PARD3: variants seen among roughly 807,000 people sequenced by gnomAD.
PARD3 encodes par-3 family cell polarity regulator, also known as partitioning defective 3 homolog.
In PARD3, 75 loss-of-function variants were observed where a neutral mutation model predicts 155.4. That is an observed-to-expected ratio of 0.48 (90% CI 0.40 to 0.58). The LOEUF (loss-of-function observed/expected upper bound fraction) is 0.58. PARD3 is among the 20% of genes least tolerant of loss of function. PARD3 has a pLI of 0.00. For missense variants in PARD3, 1,642 were observed against 1,721.7 expected (o/e 0.95, Z 0.82); for synonymous variants, 576 against 610.5 (o/e 0.94, Z 0.83).
intron 1 of PARD3, among the ~76,000 whole-genome samples, chr10:34,707,702 C>A (rs527425470): frequency 1.6e-4 from 24 of 152,326 alleles, no homozygotes; most frequent in South Asian, 1.0e-3. Context: ...ACCATGAACA[C>A]ACACACACAT....
At chr10:34,476,332 T>C (rs1018668161) in intron 3 of PARD3, among the ~76,000 whole-genome samples, 1 of 152,186 alleles carries the variant, frequency 6.6e-6, no homozygotes, top group African/African-American at 2.4e-5. Context: ...AGAATACATT[T>C]GGTGCCACCG....
intron 23 of PARD3, among the ~76,000 whole-genome samples, chr10:34,120,306 C>G (rs895386673): frequency 6.6e-6 from 1 of 150,896 alleles, no homozygotes; most frequent in Non-Finnish European, 1.5e-5. Flanking sequence ...AACCCAGCGT[C>G]TAGTCTTTAT....
chr10:34,814,412 A>G (rs73264844), intron 1 of PARD3, among the ~76,000 whole-genome samples: 44,125 of 151,892 alleles, frequency 0.29, 6,605 homozygotes, highest in Middle Eastern at 0.37. Flanking sequence ...CCTCTGTCGG[A>G]AGGGCAGTCA....
chr10:34,790,658 G>T (rs1342327841), intron 1 of PARD3, among the ~76,000 whole-genome samples: 2 of 152,216 alleles, frequency 1.3e-5, no homozygotes, highest in Admixed American at 1.3e-4. Context: ...TGGCTGAGTT[G>T]ATAAAAAATT....
At chr10:34,631,340 G>A (rs900071517) in intron 2 of PARD3, among the ~76,000 whole-genome samples, 1 of 152,134 alleles carries the variant, frequency 6.6e-6, no homozygotes, top group African/African-American at 2.4e-5. Flanking sequence ...TACATTGATT[G>A]AAGTAACATG....
intron 9 of PARD3, among the ~76,000 whole-genome samples, chr10:34,379,491 T>C (rs1841605587): frequency 6.6e-6 from 1 of 152,134 alleles, no homozygotes; most frequent in South Asian, 2.1e-4. Context: ...CATATGTCTC[T>C]GCTTTCATGA....
intron 22 of PARD3, among the ~76,000 whole-genome samples, chr10:34,209,470 C>A (rs75617778): frequency 0.072 from 10,914 of 152,266 alleles, 592 homozygotes; most frequent in Middle Eastern, 0.13. Flanking sequence ...ATTCTGTCTT[C>A]TGTGAGATAA....
At chr10:34,810,995 C>T (rs973563188) in intron 1 of PARD3, among the ~76,000 whole-genome samples, 5 of 152,168 alleles carry the variant, frequency 3.3e-5, no homozygotes, top group African/African-American at 1.2e-4. Flanking sequence ...ATCCAAAGCT[C>T]CCCTACAGGC....
chr10:34,702,616 C>T (rs1466406136), intron 1 of PARD3, among the ~76,000 whole-genome samples: 2 of 152,148 alleles, frequency 1.3e-5, no homozygotes, highest in African/African-American at 4.8e-5. Context: ...GTACTGATTA[C>T]AGAAAAATCC....
At chr10:34,161,570 C>CTCTAACT (rs2133050487) in intron 22 of PARD3, among the ~76,000 whole-genome samples, 1 of 152,236 alleles carries the variant, frequency 6.6e-6, no homozygotes, top group African/African-American at 2.4e-5. Flanking sequence ...TCTGAAGAAC[C>CTCTAACT]TCTAACTTCA....
At chr10:34,763,949 G>C (rs1278276209) in intron 1 of PARD3, among the ~76,000 whole-genome samples, 6 of 152,168 alleles carry the variant, frequency 3.9e-5, no homozygotes, top group Non-Finnish European at 8.8e-5. Context: ...AAATATGTCA[G>C]TGAAGTCACT....
intron 22 of PARD3, among the ~76,000 whole-genome samples, chr10:34,251,259 C>T (rs1186619357): frequency 6.6e-6 from 1 of 152,102 alleles, no homozygotes; most frequent in African/African-American, 2.4e-5. Flanking sequence ...ATACAGAATC[C>T]AATATCATAC....
chr10:34,381,271 G>A (rs1468709394), intron 9 of PARD3, among the ~76,000 whole-genome samples: 1 of 152,130 alleles, frequency 6.6e-6, no homozygotes, highest in Non-Finnish European at 1.5e-5. Flanking sequence ...CACATGACCT[G>A]AGGAAATAAT....
chr10:34,531,471 T>TGA (rs2082851549), intron 2 of PARD3, among the ~76,000 whole-genome samples: 1 of 152,218 alleles, frequency 6.6e-6, no homozygotes, highest in Non-Finnish European at 1.5e-5. Flanking sequence ...ATGACATTAC[T>TGA]TTTTCTCAAA....
Position 34,395,719 on chromosome 10 carries a change from C to T in PARD3, c.890+3611G>A, listed in dbSNP as rs547773656. Among the ~76,000 whole-genome samples the T allele has an allele frequency of 2.5e-5, 2 of 80,216 alleles. 1 individual carries two copies. Among genetic ancestry groups the T allele is most frequent in the East Asian group, 5.7e-4 (2 of 3,482 alleles). The allele number at this position is 80,216 out of a possible 152,430, so 52.6% of individuals were successfully genotyped here. A position where few individuals can be genotyped will look rare whatever the true frequency, so the allele number is the denominator to read the frequency against. On this transcript the variant is annotated intron_variant, in intron 7 of 24. Transcript: ENST00000374788. ...GGGCGCGGTGGCGGGCGCCTGTAGT[C>T]CCAGCTACTCGGGAGGCTGAGGCAG...
At chr10:34,134,269 C>T (rs1947770413) in intron 22 of PARD3, among the ~76,000 whole-genome samples, 1 of 152,218 alleles carries the variant, frequency 6.6e-6, no homozygotes, top group Admixed American at 6.5e-5. Context: ...ATCTCACTGT[C>T]ATTTTTCCAC....
At chr10:34,536,235 TACTC>T (rs1289805432) in intron 2 of PARD3, among the ~76,000 whole-genome samples, 1 of 152,224 alleles carries the variant, frequency 6.6e-6, no homozygotes, top group African/African-American at 2.4e-5. Flanking sequence ...CTAATAGTTT[TACTC>T]ACTCCCTCAA....
intron 1 of PARD3, among the ~76,000 whole-genome samples, chr10:34,758,646 A>G (rs1837045414): frequency 6.6e-6 from 1 of 152,222 alleles, no homozygotes; most frequent in African/African-American, 2.4e-5. Flanking sequence ...ACTTACAGAC[A>G]GTGTAATATG....
At chr10:34,502,753 T>C (rs552634036) in intron 3 of PARD3, among the ~76,000 whole-genome samples, 1 of 151,962 alleles carries the variant, frequency 6.6e-6, no homozygotes, top group East Asian at 1.9e-4. Context: ...GGATCCCATC[T>C]CAAAAAAAAC....
Sources: allele counts gnomAD v4.1 joint callset (sites outside exome capture counted in the v4.1 genomes callset), GRCh38; gene constraint gnomAD v4.1.1; transcripts MANE v1.5; gene names NCBI Gene and HGNC (gene_info 2026-07-23, HGNC 2026-07-21).